The following SLC6A15 variants were observed in gnomAD, a reference collection of about 807,000 sequenced individuals.
SLC6A15 encodes the protein sodium-dependent neutral amino acid transporter B(0)AT2.
In SLC6A15, 33 loss-of-function variants were observed where a neutral mutation model predicts 68.5. The ratio of observed to expected loss-of-function variants is 0.48; its 90% CI spans 0.37 to 0.64. The LOEUF is 0.64. Ranked by LOEUF, SLC6A15 falls within the 30% of genes least tolerant of loss-of-function variation. The probability of loss-of-function intolerance (pLI) is 0.00; values close to 1 mark genes in which losing one functional copy is unlikely to be tolerated. For synonymous variants in SLC6A15, 347 were observed against 301.0 expected, an observed-to-expected ratio of 1.15 and a Z score of -1.58; for missense variants, 747 against 874.3, an observed-to-expected ratio of 0.85 and a Z score of 1.84.
intron 1 of SLC6A15, among the ~76,000 whole-genome samples, chr12:84,911,739 C>A (rs997028996): frequency 2.6e-5 from 4 of 152,136 alleles, no homozygotes; most frequent in Non-Finnish European, 4.4e-5. Context: ...CACACACAGA[C>A]CAGCCTAGTG....
At chr12:84,874,346 C>T (rs576863462) in intron 6 of SLC6A15, 2 of 152,262 alleles carry the variant, frequency 1.3e-5, no homozygotes, top group South Asian at 4.1e-4. Flanking sequence ...TAAAAATGCT[C>T]AGTAACCGAT....
intron 1 of SLC6A15, among the ~76,000 whole-genome samples, chr12:84,902,519 TA>T (rs72389809): frequency 0.12 from 18,490 of 150,246 alleles, 1,234 homozygotes; most frequent in South Asian, 0.27. Context: ...CACAGAAAAA[TA>T]AAAAAAAACT....
intron 2 of SLC6A15, among the ~76,000 whole-genome samples, chr12:84,888,694 ATC>A (rs1418735797): frequency 6.6e-6 from 1 of 152,144 alleles, no homozygotes; most frequent in African/African-American, 2.4e-5. Context: ...GTACATTAAA[ATC>A]TCTGAATTCA....
At chr12:84,872,543 G>A (rs1871330825) in intron 8 of SLC6A15, 59 bp downstream of exon 8, 1 of 1,438,012 alleles carries the variant, frequency 7.0e-7, no homozygotes, top group Admixed American at 1.9e-5. Context: ...GAGTCTGCTG[G>A]ATAATGCATA....
chr12:84,898,140 GAC>G (rs1872706941), intron 1 of SLC6A15, among the ~76,000 whole-genome samples: 1 of 152,156 alleles, frequency 6.6e-6, no homozygotes, highest in Non-Finnish European at 1.5e-5. Flanking sequence ...AGGAGTTCAA[GAC>G]CAGCCTGGCC....
chr12:84,883,151 GAAAAAAA>G, intron 5 of SLC6A15: 3 of 886,234 alleles, frequency 3.4e-6, no homozygotes, highest in Non-Finnish European at 2.6e-6. Context: ...CTGTGATAAT[GAAAAAAA>G]AAAAAAAAAA....
intron 1 of SLC6A15, among the ~76,000 whole-genome samples, chr12:84,907,943 A>G (rs999785756): frequency 6.6e-6 from 1 of 152,242 alleles, no homozygotes; most frequent in African/African-American, 2.4e-5. Flanking sequence ...TACATTGAAT[A>G]CTGTATGATT....
At chr12:84,905,207 A>C (rs1235736712) in intron 1 of SLC6A15, among the ~76,000 whole-genome samples, 2 of 152,188 alleles carry the variant, frequency 1.3e-5, no homozygotes, top group African/African-American at 4.8e-5. Flanking sequence ...TATAAAAAGA[A>C]TTATATTCCA....
intron 7 of SLC6A15, 144 bp from the exon 8 acceptor site, chr12:84,872,938 T>G: frequency 8.2e-7 from 1 of 1,223,152 alleles, no homozygotes; most frequent in South Asian, 1.6e-5. Context: ...GACTATCCCA[T>G]TTACCCAGAT....
chr12:84,882,917 T>C, intron 5 of SLC6A15: 1 of 687,770 alleles, frequency 1.5e-6, no homozygotes, highest in Admixed American at 6.3e-5. Flanking sequence ...TCATCATTTA[T>C]TATTATTGTT....
At position 84,892,791 on chromosome 12, in the gene SLC6A15, A is replaced by G. The variant is rs189548817; in HGVS notation, c.-188-483T>C. The stretch of plus-strand genomic sequence containing the variant: ...ATTGTTCTTCTCAAAAATTTAACCT[A>G]GTTTATTTTATTTTATTTTTGGAGA... On this transcript the variant is annotated intron_variant, in intron 1 of 11. Transcript: ENST00000266682. Among the ~76,000 whole-genome samples, 5 of 152,036 alleles carry G rather than the reference A, an allele frequency of 3.3e-5. No individual in the cohort carries two copies. The East Asian group carries it at 9.7e-4, about 29-fold the overall frequency.
intron 1 of SLC6A15, among the ~76,000 whole-genome samples, chr12:84,911,699 C>T (rs928124537): frequency 1.3e-5 from 2 of 152,156 alleles, no homozygotes; most frequent in African/African-American, 4.8e-5. Context: ...GCAAGGATTT[C>T]CCTGTACTCA....
chr12:84,867,247 T>G, intron 9 of SLC6A15, 54 bp from the exon 10 acceptor site: 3 of 1,360,638 alleles, frequency 2.2e-6, no homozygotes, highest in Non-Finnish European at 3.0e-6. Context: ...ACAAGGCCTT[T>G]AAACTTTATT....
intron 1 of SLC6A15, among the ~76,000 whole-genome samples, chr12:84,907,152 A>T (rs1004857247): frequency 6.6e-6 from 1 of 152,146 alleles, no homozygotes; most frequent in Non-Finnish European, 1.5e-5. Flanking sequence ...GATTGAGACC[A>T]TCCTGGCTAA....
chr12:84,871,397 G>A (rs2099720689), intron 8 of SLC6A15, among the ~76,000 whole-genome samples: 1 of 150,572 alleles, frequency 6.6e-6, no homozygotes, highest in Non-Finnish European at 1.5e-5. Flanking sequence ...ATAACAAAAT[G>A]AATAAAAAGA....
At chr12:84,893,424 CCTTT>C (rs1169879213) in intron 1 of SLC6A15, among the ~76,000 whole-genome samples, 2 of 150,854 alleles carry the variant, frequency 1.3e-5, no homozygotes, top group Admixed American at 6.6e-5. Flanking sequence ...TTTTTTTTTT[CCTTT>C]CTTTATTTGT....
chr12:84,866,840 A>G (rs930857893), intron 10 of SLC6A15, among the ~76,000 whole-genome samples, 194 bp downstream of exon 10: 3 of 152,224 alleles, frequency 2.0e-5, no homozygotes, highest in Non-Finnish European at 2.9e-5. Flanking sequence ...TACATCCTAT[A>G]TAATTCTATT....
At chr12:84,906,358 A>T (rs1027484934) in intron 1 of SLC6A15, among the ~76,000 whole-genome samples, 69 of 152,350 alleles carry the variant, frequency 4.5e-4, no homozygotes, top group African/African-American at 1.6e-3. Context: ...GAAAGATGTC[A>T]AATTTCCCTA....
intron 1 of SLC6A15, among the ~76,000 whole-genome samples, chr12:84,901,764 T>C (rs1056183281): frequency 2.0e-5 from 3 of 151,922 alleles, no homozygotes; most frequent in African/African-American, 7.2e-5. Flanking sequence ...CTTAGTATTC[T>C]ATAATAAAGC....
Sources: gnomAD v4.1 joint callset for allele counts (sites outside exome capture counted in the v4.1 genomes callset) on GRCh38, gnomAD v4.1.1 for gene constraint, MANE v1.5 for transcripts, NCBI Gene and HGNC (gene_info 2026-07-23, HGNC 2026-07-21) for gene names.